KLHL1: variants seen among roughly 807,000 people sequenced by gnomAD.
KLHL1 encodes kelch-like protein 1.
KLHL1 carries 47 observed loss-of-function variants against 77.7 expected under a neutral mutation model. The ratio of observed to expected loss-of-function variants is 0.60; its 90% CI spans 0.48 to 0.77. The LOEUF is 0.77. Among genes scored for constraint, KLHL1 ranks in the 30% least tolerant of loss-of-function variants. KLHL1 has a pLI of 0.00. For missense variants in KLHL1, 925 were observed against 910.8 expected (o/e 1.02, Z -0.20); for synonymous variants, 360 against 325.2 (o/e 1.11, Z -1.15).
At chr13:69,759,953 G>A (rs1874941279) in intron 7 of KLHL1, among the ~76,000 whole-genome samples, 1 of 152,114 alleles carries the variant, frequency 6.6e-6, no homozygotes, top group Non-Finnish European at 1.5e-5. Flanking sequence ...AATAGTAAGA[G>A]TTTCTAGTGA....
intron 1 of KLHL1, among the ~76,000 whole-genome samples, chr13:70,080,089 T>C (rs530696090): frequency 6.6e-6 from 1 of 152,312 alleles, no homozygotes; most frequent in East Asian, 1.9e-4. Flanking sequence ...CCATACAGCA[T>C]ACTGTTCATT....
At chr13:69,756,449 C>G (rs1874744168) in intron 7 of KLHL1, among the ~76,000 whole-genome samples, 1 of 152,052 alleles carries the variant, frequency 6.6e-6, no homozygotes, top group African/African-American at 2.4e-5. Context: ...CCAATAGTAG[C>G]AATTTGCAGA....
rs1455706284 is a variant in KLHL1 at position 69,953,403 on chromosome 13, C to A, written c.817+7905G>T. ...ACATAAGTAATTATGAGCAGCGCTG[C>A]CTCTCATATTAAGCAGACAGAATGT... On this transcript the variant is annotated intron_variant, in intron 3 of 10. Coordinates refer to ENST00000377844, the MANE Select transcript of KLHL1 (RefSeq NM_020866.3). Among the ~76,000 whole-genome samples, 5 of 151,006 alleles carry A rather than the reference C, an allele frequency of 3.3e-5. No individual in the cohort carries two copies. In the East Asian group the frequency reaches 9.7e-4, roughly 29 times the overall value.
intron 1 of KLHL1, among the ~76,000 whole-genome samples, 168 bp downstream of exon 1, chr13:70,107,035 G>A (rs1478467686): frequency 1.3e-5 from 2 of 152,182 alleles, no homozygotes; most frequent in Non-Finnish European, 2.9e-5. Context: ...AGAAATTAAT[G>A]AGCAAACTTG....
Position 69,940,064 on chromosome 13 carries a change from C to T in KLHL1, c.990G>A (p.Met330Ile). The T allele has an allele frequency of 6.2e-7, 1 of 1,609,930 alleles. No homozygotes were observed. Among genetic ancestry groups the T allele is most frequent in the Non-Finnish European group, 8.5e-7 (1 of 1,178,128 alleles). The part of the protein sequence containing the change: ...FADAQGCIEL[M>I]KVAHSYTMEN... ...CCATTGTGTAGCTGTGGGCCACCTT[C>T]ATTAACTCAATGCATCCTTGAGCAT... The change falls in exon 4 of 11, where the codon ATG (methionine) becomes ATA (isoleucine). Residue 330 changes from methionine to isoleucine, a missense_variant. Transcript: ENST00000377844.
At chr13:70,027,649 G>GTTTTTTTTT (rs1185282462) in intron 1 of KLHL1, among the ~76,000 whole-genome samples, 6,355 of 108,952 alleles carry the variant, frequency 0.058, 355 homozygotes, top group African/African-American at 0.077. Flanking sequence ...CAAAATGTAA[G>GTTTTTTTTT]TTGTTTTTTT....
At chr13:69,951,415 T>C (rs987860292) in intron 3 of KLHL1, among the ~76,000 whole-genome samples, 1 of 151,514 alleles carries the variant, frequency 6.6e-6, no homozygotes, top group Admixed American at 6.6e-5. Flanking sequence ...TTTTCGCAAG[T>C]TAGTAGGAAC....
intron 1 of KLHL1, among the ~76,000 whole-genome samples, chr13:70,010,640 C>G (rs1015674431): frequency 4.6e-5 from 7 of 151,934 alleles, no homozygotes; most frequent in African/African-American, 1.7e-4. Context: ...GCCTATAATC[C>G]CAGGACTTGG....
At chr13:69,745,610 CA>C (rs1192467392) in intron 7 of KLHL1, among the ~76,000 whole-genome samples, 2 of 151,712 alleles carry the variant, frequency 1.3e-5, no homozygotes, top group South Asian at 4.2e-4. Flanking sequence ...GACCAATACA[CA>C]AAAGTCAATC....
intron 7 of KLHL1, among the ~76,000 whole-genome samples, chr13:69,796,504 G>A (rs1039636584): frequency 3.3e-5 from 5 of 152,074 alleles, no homozygotes; most frequent in Non-Finnish European, 7.4e-5. Flanking sequence ...TGAATGCATG[G>A]CCTCCCTTTG....
intron 8 of KLHL1, among the ~76,000 whole-genome samples, chr13:69,728,834 T>TTGAA (rs900529879): frequency 6.6e-6 from 1 of 151,570 alleles, no homozygotes; most frequent in Admixed American, 6.6e-5. Context: ...ACATGAAGAT[T>TTGAA]TGAATGAATG....
At chr13:70,029,187 G>A (rs1191117781) in intron 1 of KLHL1, among the ~76,000 whole-genome samples, 5 of 152,090 alleles carry the variant, frequency 3.3e-5, no homozygotes, top group Non-Finnish European at 1.5e-5. Flanking sequence ...GGAGACTATT[G>A]TGAGATCTTG....
chr13:69,808,406 A>G (rs896570710), intron 6 of KLHL1, among the ~76,000 whole-genome samples: 1 of 152,068 alleles, frequency 6.6e-6, no homozygotes, highest in Non-Finnish European at 1.5e-5. Flanking sequence ...ACAACCAACA[A>G]CATCTTAGAA....
At chr13:69,886,970 T>G (rs1881243920) in intron 4 of KLHL1, among the ~76,000 whole-genome samples, 1 of 152,116 alleles carries the variant, frequency 6.6e-6, no homozygotes, top group African/African-American at 2.4e-5. Flanking sequence ...AGTTATTGGT[T>G]AGAAAGATGA....
intron 7 of KLHL1, among the ~76,000 whole-genome samples, chr13:69,790,132 C>T (rs745898443): frequency 6.6e-6 from 1 of 152,160 alleles, no homozygotes; most frequent in Non-Finnish European, 1.5e-5. Context: ...TTATGGATCA[C>T]TTAGTTTATC....
Position 69,882,294 on chromosome 13 carries a change from G to T in KLHL1, c.1216C>A (p.Leu406Ile). Residue 406 changes from leucine to isoleucine, a missense_variant, in exon 5 of 11, where the codon CTT (leucine) becomes ATT (isoleucine). Transcript: ENST00000377844. ...MLLAFIRLPL[L>I]PPQILADLEN... ...TCACACATCATTACCTGTGGTGGAA[G>T]CAGTGGCAGTCTTATAAAGGCAAGA... 6.2e-7 allele frequency: 1 copy of T among 1,609,722 alleles called. No individual in the cohort carries two copies.
intron 7 of KLHL1, among the ~76,000 whole-genome samples, chr13:69,770,990 A>C (rs1013419490): frequency 6.6e-6 from 1 of 152,214 alleles, no homozygotes; most frequent in Non-Finnish European, 1.5e-5. Flanking sequence ...CAAATGTGAA[A>C]GATACTACCT....
At chr13:69,815,241 G>A (rs1878070445) in intron 6 of KLHL1, among the ~76,000 whole-genome samples, 1 of 152,100 alleles carries the variant, frequency 6.6e-6, no homozygotes, top group African/African-American at 2.4e-5. Context: ...CTACTAAAAC[G>A]ACACCTGCAC....
intron 5 of KLHL1, among the ~76,000 whole-genome samples, chr13:69,852,636 G>C (rs889336281): frequency 2.6e-5 from 4 of 152,030 alleles, no homozygotes; most frequent in African/African-American, 9.6e-5. Context: ...CAGATTTCCA[G>C]CTTTCTTCAG....
Sources: allele counts gnomAD v4.1 joint callset (sites outside exome capture counted in the v4.1 genomes callset), GRCh38; gene constraint gnomAD v4.1.1; transcripts MANE v1.5; gene names NCBI Gene and HGNC (gene_info 2026-07-23, HGNC 2026-07-21).